Variants in CRB1 observed in about 807,000 individuals in gnomAD.
CRB1 encodes crumbs cell polarity complex component 1.
CRB1 carries 83 observed loss-of-function variants against 120.0 expected under a neutral mutation model. The ratio of observed to expected loss-of-function variants is 0.69; its 90% CI spans 0.58 to 0.83. The LOEUF is 0.83. Among genes scored for constraint, CRB1 ranks in the 40% least tolerant of loss-of-function variants. The probability of loss-of-function intolerance (pLI) is 0.00; values close to 1 mark genes in which losing one functional copy is unlikely to be tolerated. For missense variants in CRB1, 1,699 were observed against 1,687.6 expected (o/e 1.01, Z -0.12); for synonymous variants, 625 against 612.5 (o/e 1.02, Z -0.30).
intron 5 of CRB1, among the ~76,000 whole-genome samples, chr1:197,398,895 TG>T (rs1662915302): frequency 1.7e-5 from 1 of 57,874 alleles, no homozygotes; most frequent in African/African-American, 5.1e-5. Flanking sequence ...GAAATGATTG[TG>T]TGTGTGTGTG....
chr1:197,294,735 G>A (rs1033448111), intron 1 of CRB1, among the ~76,000 whole-genome samples: 1 of 152,108 alleles, frequency 6.6e-6, no homozygotes, highest in Non-Finnish European at 1.5e-5. Flanking sequence ...CATAAAAAAG[G>A]TTGAATTCAT....
intron 5 of CRB1, among the ~76,000 whole-genome samples, chr1:197,396,953 C>T (rs992042002): frequency 1.3e-5 from 2 of 151,954 alleles, no homozygotes; most frequent in Non-Finnish European, 2.9e-5. Flanking sequence ...AATTGCACTT[C>T]ACCAAAATTA....
chr1:197,420,752 A>T (rs1488246234), intron 5 of CRB1, among the ~76,000 whole-genome samples: 1 of 152,240 alleles, frequency 6.6e-6, no homozygotes, highest in East Asian at 1.9e-4. Flanking sequence ...AATCAATCAC[A>T]GTATTTGGCA....
chr1:197,396,839 A>G (rs1382065283), intron 5 of CRB1, among the ~76,000 whole-genome samples: 3 of 152,194 alleles, frequency 2.0e-5, no homozygotes, highest in African/African-American at 7.2e-5. Flanking sequence ...CAGATTTAAT[A>G]TAAAACTTCG....
At chr1:197,266,180 T>A (rs940671029), upstream of CRB1, among the ~76,000 whole-genome samples, 9 of 152,208 alleles carry the variant, frequency 5.9e-5, no homozygotes, top group African/African-American at 2.2e-4. Flanking sequence ...CCTTTAGTTT[T>A]TTCATACTGC....
At chr1:197,428,749 C>G (rs1259422973) in intron 7 of CRB1, among the ~76,000 whole-genome samples, 1 of 152,176 alleles carries the variant, frequency 6.6e-6, no homozygotes, top group Non-Finnish European at 1.5e-5. Context: ...TGAAGGACTA[C>G]TGTGGAAAGC....
chr1:197,442,455 A>T, intron 11 of CRB1, 163 bp downstream of exon 11: 6 of 1,544,612 alleles, frequency 3.9e-6, no homozygotes, highest in Non-Finnish European at 5.2e-6. Flanking sequence ...AAAAAAAGCC[A>T]TTGAATTTCA....
chr1:197,322,781 A>G (rs898110569), intron 1 of CRB1, among the ~76,000 whole-genome samples: 18 of 152,144 alleles, frequency 1.2e-4, no homozygotes, highest in African/African-American at 4.3e-4. Flanking sequence ...AGCAGTTCAT[A>G]TGAACATTAA....
the CRB1 span, among the ~76,000 whole-genome samples, chr1:197,214,439 A>C: frequency 2.6e-5 from 4 of 152,138 alleles, no homozygotes; most frequent in Admixed American, 2.6e-4. Flanking sequence ...TAATATTCAC[A>C]AGTTCCACAG....
At chr1:197,378,785 G>GTTATCATC (rs1336017712) in intron 5 of CRB1, among the ~76,000 whole-genome samples, 2 of 152,094 alleles carry the variant, frequency 1.3e-5, no homozygotes, top group African/African-American at 2.4e-5. Flanking sequence ...TCAAGATCTG[G>GTTATCATC]TTATCATCTT....
At chr1:197,471,139 T>C (rs1649583343) in intron 11 of CRB1, among the ~76,000 whole-genome samples, 1 of 152,082 alleles carries the variant, frequency 6.6e-6, no homozygotes, top group African/African-American at 2.4e-5. Flanking sequence ...ATCAGAAGGT[T>C]CCCAGGAAGC....
chr1:197,257,136 G>A, the CRB1 span, among the ~76,000 whole-genome samples: 1 of 151,982 alleles, frequency 6.6e-6, no homozygotes, highest in African/African-American at 2.4e-5. Flanking sequence ...TGAAAACTGG[G>A]GGGTGCCGCC....
At chr1:197,388,877 T>C (rs1352773895) in intron 5 of CRB1, among the ~76,000 whole-genome samples, 1 of 152,224 alleles carries the variant, frequency 6.6e-6, no homozygotes, top group East Asian at 1.9e-4. Flanking sequence ...AAAAACCTGA[T>C]TTTAAAATAG....
At chr1:197,417,029 G>A (rs536544598) in intron 5 of CRB1, among the ~76,000 whole-genome samples, 2 of 152,296 alleles carry the variant, frequency 1.3e-5, no homozygotes, top group Admixed American at 1.3e-4. Context: ...CTTATGTCAG[G>A]GATGTGTGAA....
At chr1:197,451,247 T>A (rs947448013) in intron 11 of CRB1, among the ~76,000 whole-genome samples, 4 of 152,340 alleles carry the variant, frequency 2.6e-5, no homozygotes, top group South Asian at 2.1e-4. Flanking sequence ...GCACAATTCA[T>A]GCATTTTCTA....
At chr1:197,365,221 C>A (rs898661291) in intron 5 of CRB1, among the ~76,000 whole-genome samples, 2 of 152,128 alleles carry the variant, frequency 1.3e-5, no homozygotes, top group African/African-American at 4.8e-5. Context: ...TGTTCCATGT[C>A]CTTCTGAGAA....
the CRB1 span, among the ~76,000 whole-genome samples, chr1:197,207,820 C>G: frequency 6.6e-6 from 1 of 151,992 alleles, no homozygotes; most frequent in East Asian, 1.9e-4. Context: ...GTTTTCCAAA[C>G]TTTTAGATTT....
intron 6 of CRB1, among the ~76,000 whole-genome samples, chr1:197,423,478 A>G (rs1260194679): frequency 6.6e-6 from 1 of 152,164 alleles, no homozygotes; most frequent in African/African-American, 2.4e-5. Flanking sequence ...TTTCTTTCTG[A>G]AAATTCTTGG....
At chr1:197,308,614 T>C (rs1657315607) in intron 1 of CRB1, among the ~76,000 whole-genome samples, 1 of 152,086 alleles carries the variant, frequency 6.6e-6, no homozygotes, top group African/African-American at 2.4e-5. Context: ...ACTATAATGA[T>C]GGTGATGATG....
Sources: gnomAD v4.1 joint callset for allele counts (sites outside exome capture counted in the v4.1 genomes callset) on GRCh38, gnomAD v4.1.1 for gene constraint, MANE v1.5 for transcripts, NCBI Gene and HGNC (gene_info 2026-07-23, HGNC 2026-07-21) for gene names.